Variants in NFIB observed in about 807,000 individuals in gnomAD.
NFIB encodes the protein nuclear factor 1 B-type.
Under a neutral mutation model 61.5 loss-of-function variants are expected in NFIB, and 11 were observed. The ratio of observed to expected loss-of-function variants is 0.18; its 90% CI spans 0.11 to 0.30. The LOEUF is 0.30. Ranked by LOEUF, NFIB falls within the 10% of genes least tolerant of loss-of-function variation. The pLI, the probability that NFIB is intolerant of heterozygous loss-of-function variation, is 1.00. For missense variants in NFIB, 471 were observed against 608.9 expected (o/e 0.77, Z 2.38); for synonymous variants, 260 against 216.5 (o/e 1.20, Z -1.76).
At chr9:14,226,375 C>T (rs1049394964) in intron 2 of NFIB, among the ~76,000 whole-genome samples, 1 of 151,678 alleles carries the variant, frequency 6.6e-6, no homozygotes, top group Non-Finnish European at 1.5e-5. Context: ...TAGTGAGATC[C>T]CCATCTCTAC....
the NFIB span, among the ~76,000 whole-genome samples, chr9:14,409,208 G>A: frequency 6.6e-6 from 1 of 152,086 alleles, no homozygotes; most frequent in Non-Finnish European, 1.5e-5. Flanking sequence ...TGAGTTTTGA[G>A]TATTTATTAG....
At chr9:14,345,699 T>G (rs1161876228) in intron 1 of NFIB, among the ~76,000 whole-genome samples, 1 of 151,978 alleles carries the variant, frequency 6.6e-6, no homozygotes, top group African/African-American at 2.4e-5. Context: ...CTCCGTGGAG[T>G]TTGGTACTTA....
At chr9:14,504,629 G>C in the NFIB span, among the ~76,000 whole-genome samples, 1 of 152,056 alleles carries the variant, frequency 6.6e-6, no homozygotes, top group Non-Finnish European at 1.5e-5. Flanking sequence ...TTGATTCTTA[G>C]CTTGCTCACT....
chr9:14,334,129 T>C (rs1486346553), intron 1 of NFIB, among the ~76,000 whole-genome samples: 1 of 152,208 alleles, frequency 6.6e-6, no homozygotes, highest in African/African-American at 2.4e-5. Context: ...CAACAAACCT[T>C]GGGTTGTTTC....
At chr9:14,490,823 C>T in the NFIB span, among the ~76,000 whole-genome samples, 5 of 152,170 alleles carry the variant, frequency 3.3e-5, no homozygotes, top group Non-Finnish European at 5.9e-5. Flanking sequence ...TAGGAATGTA[C>T]ACCACTACTT....
At chr9:14,462,067 A>C in the NFIB span, among the ~76,000 whole-genome samples, 1 of 152,210 alleles carries the variant, frequency 6.6e-6, no homozygotes, top group East Asian at 1.9e-4. Context: ...TTTCTTAAAT[A>C]GAAATGGAAG....
chr9:14,217,878 T>C (rs888689190), intron 2 of NFIB, among the ~76,000 whole-genome samples: 3 of 152,084 alleles, frequency 2.0e-5, no homozygotes, highest in Non-Finnish European at 4.4e-5. Context: ...GCCACTGAGA[T>C]AAAATAGATA....
At chr9:14,332,500 GA>G (rs1274150998) in intron 1 of NFIB, among the ~76,000 whole-genome samples, 1 of 152,064 alleles carries the variant, frequency 6.6e-6, no homozygotes, top group African/African-American at 2.4e-5. Flanking sequence ...ACAGCATCTT[GA>G]GCAACTGCAT....
chr9:14,393,315 G>A (rs1435880392), intron 1 of NFIB, among the ~76,000 whole-genome samples: 11 of 152,182 alleles, frequency 7.2e-5, no homozygotes, highest in African/African-American at 2.7e-4. Flanking sequence ...ACCATCTGGT[G>A]TCTGCTCACC....
intron 2 of NFIB, among the ~76,000 whole-genome samples, chr9:14,217,975 G>A (rs917080264): frequency 3.3e-5 from 5 of 152,254 alleles, no homozygotes; most frequent in Admixed American, 3.3e-4. Flanking sequence ...TAAGCTTTTA[G>A]GTCCCTGATC....
chr9:14,235,142 A>G (rs1563930230), intron 2 of NFIB, among the ~76,000 whole-genome samples: 1 of 152,300 alleles, frequency 6.6e-6, no homozygotes, highest in African/African-American at 2.4e-5. Context: ...ATTGAAAACA[A>G]AATAAAGAAT....
intron 2 of NFIB, among the ~76,000 whole-genome samples, chr9:14,190,452 G>C (rs1467809653): frequency 5.9e-5 from 9 of 152,126 alleles, no homozygotes; most frequent in Non-Finnish European, 1.5e-5. Flanking sequence ...GTCATCTGAT[G>C]AACAGGAAGC....
intron 10 of NFIB, among the ~76,000 whole-genome samples, chr9:14,101,234 TA>T (rs1318234043): frequency 4.6e-5 from 7 of 152,268 alleles, no homozygotes; most frequent in Middle Eastern, 3.4e-3. Context: ...ACAATCTTGT[TA>T]AAAAAATCAC....
intron 1 of NFIB, among the ~76,000 whole-genome samples, chr9:14,375,654 C>T (rs1383952365): frequency 6.6e-6 from 1 of 151,102 alleles, no homozygotes; most frequent in African/African-American, 2.4e-5. Flanking sequence ...GCAAAAACTC[C>T]ATCTCAAAAA....
intron 7 of NFIB, among the ~76,000 whole-genome samples, chr9:14,121,066 C>A (rs1161441438): frequency 6.6e-6 from 1 of 152,116 alleles, no homozygotes; most frequent in Non-Finnish European, 1.5e-5. Flanking sequence ...AGTTCGAGAC[C>A]AGCCTGGCTA....
In NFIB at chr9:14,106,039, T is replaced by C. The variant is rs1051716477; in HGVS notation, c.1467+6960A>G. Among the ~76,000 whole-genome samples the C allele has an allele frequency of 3.3e-5, 5 of 152,240 alleles. No homozygotes were observed. In the East Asian group the frequency reaches 7.7e-4, roughly 23 times the overall value. On this transcript the variant is annotated intron_variant, in intron 10 of 10. Coordinates refer to ENST00000380953, the MANE Select transcript of NFIB (RefSeq NM_001190737.2). Reference sequence around the variant, plus strand: ...CATAAATACATGCCTTTCATTTATATAGAATTTTTCTAAGTTCAAAGCTTT... The same window carrying C: ...CATAAATACATGCCTTTCATTTATACAGAATTTTTCTAAGTTCAAAGCTTT...
chr9:14,464,333 T>C, the NFIB span, among the ~76,000 whole-genome samples: 1 of 152,148 alleles, frequency 6.6e-6, no homozygotes, highest in Non-Finnish European at 1.5e-5. Flanking sequence ...AGACCTCAAA[T>C]TGTAAACCCA....
the NFIB span, among the ~76,000 whole-genome samples, chr9:14,522,991 CCAT>C: frequency 6.6e-6 from 1 of 152,094 alleles, no homozygotes; most frequent in South Asian, 2.1e-4. Flanking sequence ...TGTGTCTCTA[CCAT>C]CATTTCACTT....
Position 14,307,034 on chromosome 9 carries a change from C to T in NFIB, c.517G>A (p.Val173Ile). The T allele has an allele frequency of 1.2e-6, 2 of 1,614,212 alleles. No individual in the cohort carries two copies. The highest frequency in any genetic ancestry group is 1.7e-6 in the Non-Finnish European group (2 of 1,180,050). The part of the protein sequence containing the change: ...CVQPHHITVS[V>I]KELDLFLAYY... The stretch of plus-strand genomic sequence containing the variant: ...GCCAAAAACAAATCAAGCTCCTTAA[C>T]TGATACTGTGATATGATGTGGCTGG... The change falls in exon 2 of 11, where the codon GTT becomes ATT. Residue 173 changes from valine (V) to isoleucine (I), a missense_variant. Physicochemically the swap from Val to Ile is conservative, Grantham distance 29. Around this residue, in one of 2 missense-constraint regions of NFIB, gnomAD observed 372 missense variants for 395.6 expected, o/e 0.94. Transcript: ENST00000380953. This position sits in a 1 kb window ranked among gnomAD's most constrained non-coding sequence, Gnocchi z 5.3.
Sources: gnomAD v4.1 joint callset for allele counts (sites outside exome capture counted in the v4.1 genomes callset) on GRCh38, gnomAD v4.1.1 for gene constraint, gnomAD v4.1.1 regional missense constraint, Gnocchi (gnomAD v3.1) non-coding constraint, MANE v1.5 for transcripts, NCBI Gene and HGNC (gene_info 2026-07-23, HGNC 2026-07-21) for gene names.